The following RBFOX1 variants were observed in gnomAD, a reference collection of about 807,000 sequenced individuals.
The protein encoded by RBFOX1 is RNA binding fox-1 homolog 1, also known as RNA binding protein fox-1 homolog 1.
In RBFOX1, 8 loss-of-function variants were observed where a neutral mutation model predicts 57.7. The ratio of observed to expected loss-of-function variants is 0.14; its 90% CI spans 0.08 to 0.25. The LOEUF (loss-of-function observed/expected upper bound fraction) is 0.25. RBFOX1 is among the 10% of genes least tolerant of loss of function. RBFOX1 has a pLI of 1.00. For missense variants in RBFOX1, 611 were observed against 548.5 expected, an observed-to-expected ratio of 1.11 and a Z score of -1.14; for synonymous variants, 326 against 222.4, an observed-to-expected ratio of 1.47 and a Z score of -4.15.
intron 4 of RBFOX1, among the ~76,000 whole-genome samples, chr16:5,952,473 G>A (rs534843248): frequency 1.3e-5 from 2 of 152,024 alleles, no homozygotes; most frequent in Non-Finnish European, 2.9e-5. Flanking sequence ...TTTTAATAGA[G>A]ATGGGGTTTC....
chr16:6,516,849 G>A (rs1427258443), intron 2 of RBFOX1, among the ~76,000 whole-genome samples: 2 of 152,142 alleles, frequency 1.3e-5, no homozygotes, highest in Admixed American at 1.3e-4. Flanking sequence ...TGGAGGATGG[G>A]CATACAGTGG....
chr16:5,540,886 G>A (rs539640571), intron 2 of RBFOX1, among the ~76,000 whole-genome samples: 4 of 152,264 alleles, frequency 2.6e-5, no homozygotes, highest in Admixed American at 6.5e-5. Context: ...GTCTTGCTCT[G>A]TCGCCCAGGC....
At chr16:7,474,022 C>T (rs989729892) in intron 4 of RBFOX1, among the ~76,000 whole-genome samples, 1 of 152,180 alleles carries the variant, frequency 6.6e-6, no homozygotes, top group Non-Finnish European at 1.5e-5. Context: ...GGCATGGTGG[C>T]TCACGCCTGT....
intron 3 of RBFOX1, among the ~76,000 whole-genome samples, chr16:5,788,122 A>G (rs867503476): frequency 6.6e-6 from 1 of 152,196 alleles, no homozygotes; most frequent in Non-Finnish European, 1.5e-5. Flanking sequence ...CGACTGCTGA[A>G]AACATCATAC....
chr16:6,809,601 T>TA (rs2087891292), intron 3 of RBFOX1, among the ~76,000 whole-genome samples: 1 of 152,134 alleles, frequency 6.6e-6, no homozygotes, highest in Admixed American at 6.5e-5. Flanking sequence ...ATAACCTTGG[T>TA]ACAGAATTGC....
intron 4 of RBFOX1, among the ~76,000 whole-genome samples, chr16:7,071,609 G>C (rs1343922170): frequency 6.7e-6 from 1 of 149,460 alleles, no homozygotes; most frequent in Non-Finnish European, 1.5e-5. Flanking sequence ...GTGTGTGTGT[G>C]TGTGTGTGTT....
At chr16:7,320,513 A>G (rs1168674020) in intron 4 of RBFOX1, among the ~76,000 whole-genome samples, 1 of 152,140 alleles carries the variant, frequency 6.6e-6, no homozygotes, top group African/African-American at 2.4e-5. Flanking sequence ...TGTCTTTGCT[A>G]TTGTGATTAG....
At chr16:6,105,623 T>G (rs1283132277) in intron 1 of RBFOX1, among the ~76,000 whole-genome samples, 4 of 151,968 alleles carry the variant, frequency 2.6e-5, no homozygotes, top group African/African-American at 9.7e-5. Context: ...ATTTTATTTT[T>G]TTGTTTTTCT....
At chr16:6,319,097 G>C (rs2081451017) in intron 2 of RBFOX1, among the ~76,000 whole-genome samples, 1 of 152,054 alleles carries the variant, frequency 6.6e-6, no homozygotes. Context: ...TAACATGTTG[G>C]ATGCATGCTG....
chr16:7,705,406 G>T (rs964447400), intron 14 of RBFOX1, among the ~76,000 whole-genome samples: 1 of 152,138 alleles, frequency 6.6e-6, no homozygotes, highest in African/African-American at 2.4e-5. Flanking sequence ...TCGGGAGGCT[G>T]AGGCAGGAGA....
intron 2 of RBFOX1, among the ~76,000 whole-genome samples, chr16:6,372,657 G>A (rs143844158): frequency 6.6e-6 from 1 of 151,862 alleles, no homozygotes; most frequent in East Asian, 2.0e-4. Flanking sequence ...ATGGGTGGAA[G>A]TATAGTTGGA....
chr16:7,223,727 A>AAG (rs990557264), intron 4 of RBFOX1, among the ~76,000 whole-genome samples: 2 of 151,196 alleles, frequency 1.3e-5, no homozygotes, highest in Non-Finnish European at 2.9e-5. Context: ...AAAAAAAAAA[A>AAG]AAAAGAAAAA....
Position 7,257,205 on chromosome 16 carries a change from A to G in RBFOX1, c.27+205107A>G, listed in dbSNP as rs576046048. Among the ~76,000 whole-genome samples, 5 of 152,202 alleles carry G rather than the reference A, an allele frequency of 3.3e-5. No individual in the cohort carries two copies. In the East Asian group the frequency reaches 7.7e-4, roughly 24 times the overall value. On this transcript the variant is annotated intron_variant, in intron 4 of 15. Coordinates refer to ENST00000550418, the MANE Select transcript of RBFOX1 (RefSeq NM_018723.4). ...ATCTCATTAAGACTTAATCGCTAACATCTTCCCATCCCCGGGGTCATGCTG... is the reference window on the plus strand; with the variant it reads ...ATCTCATTAAGACTTAATCGCTAACGTCTTCCCATCCCCGGGGTCATGCTG...
chr16:7,082,561 CA>C (rs781683633), intron 4 of RBFOX1, among the ~76,000 whole-genome samples: 328 of 124,842 alleles, frequency 2.6e-3, no homozygotes, highest in Middle Eastern at 4.3e-3. Context: ...GACCATGTCT[CA>C]AAAAAAAAAA....
At chr16:5,255,350 A>ATCCG (rs1274491017) in intron 1 of RBFOX1, among the ~76,000 whole-genome samples, 13 of 139,592 alleles carry the variant, frequency 9.3e-5, no homozygotes, top group African/African-American at 3.8e-4. Context: ...CCATCCATCC[A>ATCCG]TCCCTCCATC....
At chr16:5,631,046 C>G (rs1454050331) in intron 3 of RBFOX1, among the ~76,000 whole-genome samples, 8 of 152,238 alleles carry the variant, frequency 5.3e-5, no homozygotes, top group African/African-American at 1.4e-4. Flanking sequence ...TTGTCCACAA[C>G]AGATGGCCAA....
Position 7,375,575 on chromosome 16 carries a change from G to C in RBFOX1, c.28-142572G>C, listed in dbSNP as rs1334881440. Among the ~76,000 whole-genome samples the C allele has an allele frequency of 2.0e-5, 3 of 151,596 alleles. No homozygotes were observed. The East Asian group carries it at 5.8e-4, about 29-fold the overall frequency. The stretch of plus-strand genomic sequence containing the variant: ...TGTGCTTGAGTGCATTTGAGAAATG[G>C]GTTTATACTCTTCTCGATCCCCTAG... On this transcript the variant is annotated intron_variant, in intron 4 of 15. Transcript: ENST00000550418.
At chr16:6,908,424 A>C (rs1413622107) in intron 3 of RBFOX1, among the ~76,000 whole-genome samples, 1 of 145,966 alleles carries the variant, frequency 6.9e-6, no homozygotes, top group Non-Finnish European at 1.6e-5. Context: ...TGACTTTTCC[A>C]CTGATACCTC....
intron 4 of RBFOX1, among the ~76,000 whole-genome samples, chr16:7,311,921 A>C (rs2096319345): frequency 1.3e-5 from 2 of 152,220 alleles, no homozygotes; most frequent in Admixed American, 1.3e-4. Flanking sequence ...GAATTGAGCA[A>C]GATAGTTTTT....
Sources: gnomAD v4.1 joint callset for allele counts (sites outside exome capture counted in the v4.1 genomes callset) on GRCh38, gnomAD v4.1.1 for gene constraint, MANE v1.5 for transcripts, NCBI Gene and HGNC (gene_info 2026-07-23, HGNC 2026-07-21) for gene names.